The following RPS6KC1 variants were observed in gnomAD, a reference collection of about 807,000 sequenced individuals.
RPS6KC1 encodes ribosomal protein S6 kinase C1, also known as inactive ribosomal protein S6 kinase delta-1.
Under a neutral mutation model 103.8 loss-of-function variants are expected in RPS6KC1, and 54 were observed. The ratio of observed to expected loss-of-function variants is 0.52; its 90% CI spans 0.42 to 0.65. The LOEUF (loss-of-function observed/expected upper bound fraction) is 0.65. RPS6KC1 is among the 30% of genes least tolerant of loss of function. RPS6KC1 has a pLI of 0.00. For missense variants in RPS6KC1, 1,151 were observed against 1,253.8 expected (o/e 0.92, Z 1.24); for synonymous variants, 439 against 438.7 (o/e 1.00, Z -0.01).
At chr1:213,737,955 C>T in the RPS6KC1 span, among the ~76,000 whole-genome samples, 1 of 152,146 alleles carries the variant, frequency 6.6e-6, no homozygotes, top group Non-Finnish European at 1.5e-5. Context: ...GCCTCATTAA[C>T]CCCAAACTGA....
At chr1:213,824,336 A>G in the RPS6KC1 span, among the ~76,000 whole-genome samples, 2 of 152,170 alleles carry the variant, frequency 1.3e-5, no homozygotes, top group Non-Finnish European at 2.9e-5. Context: ...GCCAGAATCC[A>G]TGTAGCAATT....
At chr1:213,064,935 A>G (rs1445834277) in intron 1 of RPS6KC1, among the ~76,000 whole-genome samples, 2 of 148,950 alleles carry the variant, frequency 1.3e-5, no homozygotes, top group East Asian at 3.9e-4. Flanking sequence ...TCGGCCTCCC[A>G]AAGTGCTGGG....
the RPS6KC1 span, among the ~76,000 whole-genome samples, chr1:213,814,983 G>C: frequency 3.1e-4 from 47 of 152,138 alleles, no homozygotes; most frequent in Admixed American, 2.5e-3. Flanking sequence ...TGGTTTGGCT[G>C]TGTCTCCACC....
the RPS6KC1 span, among the ~76,000 whole-genome samples, chr1:213,307,024 C>T: frequency 6.6e-6 from 1 of 150,472 alleles, no homozygotes; most frequent in Non-Finnish European, 1.5e-5. Flanking sequence ...TGCTAAACTG[C>T]TGTCTTTCAC....
At chr1:213,585,422 G>T in the RPS6KC1 span, among the ~76,000 whole-genome samples, 3 of 152,132 alleles carry the variant, frequency 2.0e-5, no homozygotes, top group Non-Finnish European at 4.4e-5. Context: ...AGAATGAAAA[G>T]TGTTCCACCC....
the RPS6KC1 span, among the ~76,000 whole-genome samples, chr1:213,796,355 G>A: frequency 3.7e-4 from 57 of 152,228 alleles, no homozygotes; most frequent in African/African-American, 1.3e-3. Flanking sequence ...GTCACTCAGT[G>A]TTTTATCTCT....
intron 14 of RPS6KC1, among the ~76,000 whole-genome samples, chr1:213,264,345 A>G (rs2094866885): frequency 6.6e-6 from 1 of 152,188 alleles, no homozygotes; most frequent in Non-Finnish European, 1.5e-5. Flanking sequence ...ATGGAGAAAA[A>G]AAGAACAGCT....
chr1:213,233,372 A>G (rs1003114551), intron 10 of RPS6KC1, among the ~76,000 whole-genome samples: 1 of 152,322 alleles, frequency 6.6e-6, no homozygotes, highest in Middle Eastern at 3.4e-3. Flanking sequence ...CATTACAGAC[A>G]TTATTGAATT....
At chr1:213,525,199 G>A in the RPS6KC1 span, among the ~76,000 whole-genome samples, 2 of 152,176 alleles carry the variant, frequency 1.3e-5, no homozygotes. Flanking sequence ...ATCAGGATGG[G>A]AACACTGTAG....
At chr1:213,370,197 G>A in the RPS6KC1 span, among the ~76,000 whole-genome samples, 35 of 151,800 alleles carry the variant, frequency 2.3e-4, 1 homozygote, top group African/African-American at 7.3e-4. Flanking sequence ...CCAGGCTCTT[G>A]CTTGTACTAA....
At chr1:213,101,091 G>T (rs1007696772) in intron 3 of RPS6KC1, among the ~76,000 whole-genome samples, 1 of 152,142 alleles carries the variant, frequency 6.6e-6, no homozygotes, top group African/African-American at 2.4e-5. Flanking sequence ...GCCAGCATCT[G>T]TTATTTTTTG....
intron 5 of RPS6KC1, among the ~76,000 whole-genome samples, chr1:213,127,522 T>C (rs541394224): frequency 6.6e-6 from 1 of 152,346 alleles, no homozygotes; most frequent in Admixed American, 6.5e-5. Flanking sequence ...AGCCATTAGC[T>C]GAACTAGCTG....
the RPS6KC1 span, among the ~76,000 whole-genome samples, chr1:213,331,531 G>T: frequency 6.6e-6 from 1 of 152,226 alleles, no homozygotes; most frequent in Non-Finnish European, 1.5e-5. Flanking sequence ...ATGAATGGGG[G>T]CATGTGGAGA....
At chr1:213,099,606 A>C (rs1314300513) in intron 3 of RPS6KC1, among the ~76,000 whole-genome samples, 3 of 152,146 alleles carry the variant, frequency 2.0e-5, no homozygotes, top group Non-Finnish European at 4.4e-5. Flanking sequence ...AACCCCTATC[A>C]AGATATAGGG....
chr1:213,230,982 C>G (rs371581349), intron 9 of RPS6KC1, among the ~76,000 whole-genome samples: 2 of 151,822 alleles, frequency 1.3e-5, no homozygotes, highest in South Asian at 4.2e-4. Flanking sequence ...ATATCCCCCC[C>G]CTAGGTTTTG....
the RPS6KC1 span, among the ~76,000 whole-genome samples, chr1:213,517,667 A>T: frequency 6.6e-6 from 1 of 152,078 alleles, no homozygotes; most frequent in Admixed American, 6.6e-5. Flanking sequence ...TCAATTTTGG[A>T]ATAGGTGTGG....
chr1:213,729,123 C>T, the RPS6KC1 span, among the ~76,000 whole-genome samples: 2 of 151,862 alleles, frequency 1.3e-5, no homozygotes, highest in Admixed American at 6.6e-5. Flanking sequence ...CAATAGTGAA[C>T]GGACAATTCA....
chr1:213,657,258 G>A, the RPS6KC1 span, among the ~76,000 whole-genome samples: 1 of 152,002 alleles, frequency 6.6e-6, no homozygotes, highest in Non-Finnish European at 1.5e-5. Flanking sequence ...TCCAGGGAGT[G>A]TAAAAAAAGA....
intron 8 of RPS6KC1, among the ~76,000 whole-genome samples, chr1:213,195,005 A>G (rs1443754511): frequency 2.0e-5 from 3 of 152,158 alleles, no homozygotes; most frequent in Non-Finnish European, 2.9e-5. Flanking sequence ...TAGATTAGAG[A>G]TGGTGGAGGA....
Sources: allele counts gnomAD v4.1 joint callset (sites outside exome capture counted in the v4.1 genomes callset), GRCh38; gene constraint gnomAD v4.1.1; transcripts MANE v1.5; gene names NCBI Gene and HGNC (gene_info 2026-07-23, HGNC 2026-07-21).